KLF12: variants seen among roughly 807,000 people sequenced by gnomAD.
KLF12 encodes Krueppel-like factor 12.
A neutral mutation model predicts 37.8 loss-of-function variants in KLF12; 9 were observed. That is an observed-to-expected ratio of 0.24 (90% CI 0.14 to 0.42). The LOEUF (loss-of-function observed/expected upper bound fraction) is 0.42, where lower values mean the gene tolerates loss of function less well. Among genes scored for constraint, KLF12 ranks in the 10% least tolerant of loss-of-function variants. The probability of loss-of-function intolerance (pLI) is 1.00; values close to 1 mark genes in which losing one functional copy is unlikely to be tolerated. For synonymous variants in KLF12, 208 were observed against 202.1 expected (o/e 1.03, Z -0.25); for missense variants, 411 against 516.0 (o/e 0.80, Z 1.97).
chr13:74,197,026 T>C, the KLF12 span, among the ~76,000 whole-genome samples: 1 of 152,128 alleles, frequency 6.6e-6, no homozygotes, highest in African/African-American at 2.4e-5. Context: ...TATTACAGGC[T>C]CTGAGCAAAA....
intron 2 of KLF12, among the ~76,000 whole-genome samples, chr13:73,968,496 G>A (rs1006454914): frequency 2.6e-5 from 4 of 151,922 alleles, no homozygotes; most frequent in African/African-American, 7.3e-5. Flanking sequence ...TTTGATAATA[G>A]CTTTATTTCA....
chr13:74,147,960 G>A, the KLF12 span, among the ~76,000 whole-genome samples: 2 of 151,604 alleles, frequency 1.3e-5, no homozygotes, highest in Admixed American at 1.3e-4. Flanking sequence ...CGCCCAGGCT[G>A]GAGTGCTGTG....
In KLF12 at chr13:73,917,308, C is replaced by G. The variant is rs77291742; in HGVS notation, c.123+26673G>C. On this transcript the variant is annotated intron_variant, in intron 3 of 7. Transcript: ENST00000377669. ...CTCAACACCTTTCCTGGTACTACCC[C>G]CTCTGCCTAGAGTGATTCCTCTCAT... Among the ~76,000 whole-genome samples the G allele has an allele frequency of 4.4e-3, 668 of 152,288 alleles. 9 individuals carry two copies. Among genetic ancestry groups the G allele is most frequent in the African/African-American group, 0.015 (618 of 41,558 alleles).
At chr13:73,752,729 TA>T (rs60309209) in intron 6 of KLF12, among the ~76,000 whole-genome samples, 41,912 of 101,774 alleles carry the variant, frequency 0.41, 6,706 homozygotes, top group African/African-American at 0.51. Context: ...TCCACATATA[TA>T]TTTTTTTTTT....
the KLF12 span, among the ~76,000 whole-genome samples, chr13:74,171,328 C>T: frequency 6.6e-6 from 1 of 152,250 alleles, no homozygotes; most frequent in East Asian, 1.9e-4. Flanking sequence ...AAAAAGGAAA[C>T]ACAAAGGAAG....
intron 3 of KLF12, among the ~76,000 whole-genome samples, chr13:73,874,276 T>A (rs1299515837): frequency 1.3e-5 from 2 of 152,190 alleles, no homozygotes; most frequent in Non-Finnish European, 2.9e-5. Flanking sequence ...TCTACATAGG[T>A]AAATCATTTG....
the KLF12 span, among the ~76,000 whole-genome samples, chr13:74,177,101 T>A: frequency 6.6e-6 from 1 of 152,214 alleles, no homozygotes; most frequent in Non-Finnish European, 1.5e-5. Flanking sequence ...AAACCTAATT[T>A]ATCTGAAGTA....
intron 2 of KLF12, among the ~76,000 whole-genome samples, chr13:73,973,641 A>ATCACAG (rs59407662): frequency 3.9e-5 from 6 of 151,956 alleles, no homozygotes; most frequent in Non-Finnish European, 1.5e-5. Flanking sequence ...AACCAACACA[A>ATCACAG]GACATAGAAC....
intron 1 of KLF12, among the ~76,000 whole-genome samples, chr13:74,094,738 T>G (rs1466774615): frequency 3.3e-5 from 5 of 151,922 alleles, no homozygotes; most frequent in Admixed American, 2.6e-4. Flanking sequence ...TAGCTAGAAC[T>G]ACAGGTGCCC....
At chr13:74,267,850 T>C in the KLF12 span, among the ~76,000 whole-genome samples, 13 of 152,080 alleles carry the variant, frequency 8.5e-5, no homozygotes, top group Non-Finnish European at 1.3e-4. Context: ...CGTCCAAATG[T>C]GTACAATTAT....
At chr13:73,852,904 C>G (rs1022646734) in intron 3 of KLF12, among the ~76,000 whole-genome samples, 5 of 137,028 alleles carry the variant, frequency 3.6e-5, no homozygotes, top group Non-Finnish European at 7.7e-5. Flanking sequence ...GAGTCTTGGT[C>G]TGTCGCCCAG....
At chr13:73,926,940 A>AG (rs1157232263) in intron 3 of KLF12, among the ~76,000 whole-genome samples, 1 of 151,748 alleles carries the variant, frequency 6.6e-6, no homozygotes, top group Non-Finnish European at 1.5e-5. Flanking sequence ...CTCCTTTGAA[A>AG]AAAAAAAAAA....
chr13:74,256,687 C>CG, the KLF12 span, among the ~76,000 whole-genome samples: 354 of 38,178 alleles, frequency 9.3e-3, 2 homozygotes, highest in Middle Eastern at 0.024. Context: ...CTGAGTAGAG[C>CG]TTGTGTGTGT....
At chr13:73,834,361 C>T (rs116568983) in intron 4 of KLF12, among the ~76,000 whole-genome samples, 157 of 152,268 alleles carry the variant, frequency 1.0e-3, no homozygotes, top group African/African-American at 3.8e-3. Context: ...TCCTAAGACC[C>T]TAGTATTTGA....
upstream of KLF12, among the ~76,000 whole-genome samples, chr13:74,135,213 C>T (rs901213392): frequency 6.6e-6 from 1 of 151,980 alleles, no homozygotes; most frequent in Non-Finnish European, 1.5e-5. Flanking sequence ...CGCCTGGCCT[C>T]GCCACCCCAG....
In KLF12 at chr13:73,695,604, C is replaced by T. The variant is rs764452239; in HGVS notation, c.1095G>A (p.Thr365=). The T allele has an allele frequency of 7.4e-6, 12 of 1,613,956 alleles. No individual in the cohort carries two copies. The highest frequency in any genetic ancestry group is 3.3e-5 in the Admixed American group (2 of 60,002). The change falls in exon 8 of 8, where the codon ACG becomes ACA. Residue 365 remains threonine (T), a synonymous_variant. Transcript: ENST00000377669. ...CTCCCGTATGTTTGCGGTAATGCCT[C>T]GTCAGTTCATCTGAACGAGCGAACT...
chr13:73,925,954 T>A (rs898782157), intron 3 of KLF12, among the ~76,000 whole-genome samples: 2 of 152,168 alleles, frequency 1.3e-5, no homozygotes, highest in Non-Finnish European at 2.9e-5. Context: ...TGCTTCAATC[T>A]CAGATAAAAT....
chr13:74,089,170 G>A (rs989471719), intron 1 of KLF12, among the ~76,000 whole-genome samples: 6 of 152,004 alleles, frequency 3.9e-5, no homozygotes, highest in African/African-American at 1.5e-4. Flanking sequence ...AAATGATGGG[G>A]TAAATGAGTC....
At chr13:74,304,496 G>A in the KLF12 span, among the ~76,000 whole-genome samples, 7 of 152,212 alleles carry the variant, frequency 4.6e-5, no homozygotes, top group South Asian at 1.0e-3. Flanking sequence ...ATGAAAATTT[G>A]TGGGTAAAAA....
Sources: allele counts gnomAD v4.1 joint callset (sites outside exome capture counted in the v4.1 genomes callset), GRCh38; gene constraint gnomAD v4.1.1; transcripts MANE v1.5; gene names NCBI Gene and HGNC (gene_info 2026-07-23, HGNC 2026-07-21).